The following CAT variants were observed in gnomAD, a reference collection of about 807,000 sequenced individuals.
CAT encodes epididymis secretory sperm binding protein.
In CAT, 43 loss-of-function variants were observed where a neutral mutation model predicts 59.0. The observed-to-expected ratio is 0.73, with a 90% CI of 0.57 to 0.94. CAT has a LOEUF of 0.94. Among genes scored for constraint, CAT ranks in the 40% least tolerant of loss-of-function variants. The probability of loss-of-function intolerance (pLI) is 0.00; values close to 1 mark genes in which losing one functional copy is unlikely to be tolerated. For synonymous variants in CAT, 218 were observed against 230.9 expected, an observed-to-expected ratio of 0.94 and a Z score of 0.51; for missense variants, 664 against 682.9, an observed-to-expected ratio of 0.97 and a Z score of 0.31.
Position 34,449,205 on chromosome 11 carries a change from T to G in CAT, c.80T>G (p.Leu27Arg). ...GTGTTCCTGTAGAAAGCTGATGTCC[T>G]GACCACTGGAGCTGGTAACCCAGTA... ...EQRAAQKADV[L>R]TTGAGNPVGD... is the part of the protein sequence containing the mutation. Residue 27 changes from leucine (L) to arginine (R), a missense_variant, in exon 2 of 13, where the codon CTG (leucine) becomes CGG (arginine). Physicochemically the swap from Leu to Arg is moderately radical, Grantham distance 102 (BLOSUM62 -2). Transcript: ENST00000241052. 6.2e-7 allele frequency: 1 copy of G among 1,614,204 alleles called. No individual in the cohort carries two copies. Among genetic ancestry groups the G allele is most frequent in the African/African-American group, 1.3e-5 (1 of 75,074 alleles).
intron 1 of CAT, among the ~76,000 whole-genome samples, chr11:34,445,521 A>AAAT (rs1856441835): frequency 6.6e-6 from 1 of 150,624 alleles, no homozygotes; most frequent in Non-Finnish European, 1.5e-5. Flanking sequence ...AAAAAAAAAA[A>AAAT]AGAAAAACAG....
At chr11:34,471,200 T>C (rs12803540) in intron 12 of CAT, among the ~76,000 whole-genome samples, 159 bp downstream of exon 12, 16,846 of 152,242 alleles carry the variant, frequency 0.11, 1,059 homozygotes, top group East Asian at 0.29. Flanking sequence ...AGATAAAGAA[T>C]TCACTGGCAA....
intron 9 of CAT, among the ~76,000 whole-genome samples, chr11:34,463,447 C>G (rs1200539759): frequency 6.6e-6 from 1 of 152,102 alleles, no homozygotes; most frequent in East Asian, 1.9e-4. Flanking sequence ...GAGAGATACC[C>G]TGAGAATCCT....
intron 10 of CAT, among the ~76,000 whole-genome samples, chr11:34,466,780 CAAAAA>C (rs71457350): frequency 4.1e-4 from 17 of 41,144 alleles, no homozygotes; most frequent in Non-Finnish European, 8.8e-4. Context: ...GACTCCGTCT[CAAAAA>C]AAAAAAAAAA....
intron 11 of CAT, among the ~76,000 whole-genome samples, chr11:34,468,908 T>A (rs1856747034): frequency 1.3e-5 from 2 of 152,222 alleles, no homozygotes; most frequent in South Asian, 4.1e-4. Context: ...TCAATCAGTC[T>A]GTCTTTCTTT....
chr11:34,447,822 A>G lies in CAT; in HGVS notation c.67-1370A>G, dbSNP rs77137020. Among the ~76,000 whole-genome samples the G allele has an allele frequency of 4.5e-3, 685 of 152,238 alleles. 4 individuals carry two copies. The highest frequency in any genetic ancestry group is 0.016 in the African/African-American group (655 of 41,522). ...AACCTTAGGAGGTACTTATTATTCTATTTTGCAGATGAAAATGGAGACTCA... is the reference window on the plus strand; with the variant it reads ...AACCTTAGGAGGTACTTATTATTCTGTTTTGCAGATGAAAATGGAGACTCA... On this transcript the variant is annotated intron_variant, in intron 1 of 12. Transcript: ENST00000241052.
At position 34,438,952 on chromosome 11, in the gene CAT, C is replaced by T. The variant is rs898531876; in HGVS notation, c.-62C>T. ...TCGGGGCAACAGGCAGATTTGCCTGCTGAGGGTGGAGACCCACGAGCCGAG... is the reference window on the plus strand; with the variant it reads ...TCGGGGCAACAGGCAGATTTGCCTGTTGAGGGTGGAGACCCACGAGCCGAG... On this transcript the variant is annotated 5_prime_UTR_variant, in exon 1 of 13. Transcript: ENST00000241052. 11 of 1,436,052 alleles carry T rather than the reference C, an allele frequency of 7.7e-6. No individual in the cohort carries two copies. The Admixed American group carries it at 1.8e-4, about 23-fold the overall frequency. The allele number at this position is 1,436,052 out of a possible 1,614,324, so 89.0% of individuals were successfully genotyped here. A position where few individuals can be genotyped will look rare whatever the true frequency, so the allele number is the denominator to read the frequency against.
In CAT at chr11:34,453,104, C is replaced by G; in HGVS notation, c.495C>G (p.Ile165Met). 1 of 1,609,170 alleles carries G rather than the reference C, an allele frequency of 6.2e-7. No homozygotes were observed. Among genetic ancestry groups the G allele is most frequent in the South Asian group, 1.1e-5 (1 of 90,966 alleles). The part of the protein sequence containing the change: ...IRDPILFPSF[I>M]HSQKRNPQTH... The stretch of plus-strand genomic sequence containing the variant: ...TTTCTATTTAGTTTCCATCTTTTAT[C>G]CACAGCCAAAAGAGAAATCCTCAGA... The change falls in exon 5 of 13, where the codon ATC becomes ATG. Residue 165 changes from isoleucine (I) to methionine (M), a missense_variant. Physicochemically the swap from Ile to Met is conservative, Grantham distance 10 (BLOSUM62 1). Transcript: ENST00000241052.
intron 10 of CAT, among the ~76,000 whole-genome samples, chr11:34,467,590 A>G (rs923886665): frequency 2.0e-5 from 3 of 152,186 alleles, no homozygotes; most frequent in East Asian, 3.8e-4. Context: ...TAGATACTCA[A>G]TATTTGTTGA....
chr11:34,451,010 C>T lies in CAT; in HGVS notation c.261C>T (p.Val87=), dbSNP rs1473846840. The T allele has an allele frequency of 1.9e-6, 3 of 1,612,456 alleles. No individual in the cohort carries two copies. The African/African-American group carries it at 4.0e-5, about 22-fold the overall frequency. Residue 87 remains valine, a synonymous_variant, in exon 3 of 13, where the codon GTC becomes GTT. Coordinates refer to ENST00000241052, the MANE Select transcript of CAT (RefSeq NM_001752.4). The part of the protein sequence containing the change: ...KGAGAFGYFE[V]THDITKYSKA... Reference sequence around the variant, plus strand: ...TAGGGGCCTTTGGCTACTTTGAGGTCACACATGACATTACCAAATACTCCA... The same window carrying T: ...TAGGGGCCTTTGGCTACTTTGAGGTTACACATGACATTACCAAATACTCCA...
Position 34,456,129 on chromosome 11 carries a change from G to C in CAT, c.830G>C (p.Trp277Ser), listed in dbSNP as rs753916355. 12 of 1,613,864 alleles carry C rather than the reference G, an allele frequency of 7.4e-6. No homozygotes were observed. Among genetic ancestry groups the C allele is most frequent in the African/African-American group, 1.3e-5 (1 of 74,866 alleles). ...ATTGCCACAGGAAAGTACCCCTCCT[G>C]GACTTTTTACATCCAGGTCATGACA... ...NAIATGKYPS[W>S]TFYIQVMTFN... The change falls in exon 7 of 13, where the codon TGG (tryptophan) becomes TCG (serine). Residue 277 changes from tryptophan to serine, a missense_variant. Trp to Ser is a radical substitution (Grantham distance 177). Transcript: ENST00000241052.
At chr11:34,470,896 C>A (rs17881488) in intron 11 of CAT, 62 bp from the exon 12 acceptor site, 128,969 of 1,346,254 alleles carry the variant, frequency 0.096, 7,514 homozygotes, top group East Asian at 0.28. Flanking sequence ...AACCACAGTC[C>A]CTGGGGAGTG....
intron 1 of CAT, among the ~76,000 whole-genome samples, chr11:34,441,337 C>T (rs764408412): frequency 6.6e-5 from 10 of 152,296 alleles, no homozygotes; most frequent in Middle Eastern, 3.4e-3. Flanking sequence ...TCTTTTATTA[C>T]GTTACTCCAT....
chr11:34,470,481 C>T (rs1311478548), intron 11 of CAT, among the ~76,000 whole-genome samples: 1 of 152,160 alleles, frequency 6.6e-6, no homozygotes. Context: ...GCCCCTCTCC[C>T]ATCCCTGGAG....
intron 2 of CAT, among the ~76,000 whole-genome samples, chr11:34,449,852 A>G (rs1856501870): frequency 6.6e-6 from 1 of 152,230 alleles, no homozygotes; most frequent in African/African-American, 2.4e-5. Context: ...GTAAAATAAG[A>G]TAGTTATTTA....
chr11:34,457,318 T>A (rs545048749), intron 8 of CAT, among the ~76,000 whole-genome samples: 120 of 145,004 alleles, frequency 8.3e-4, no homozygotes, highest in Non-Finnish European at 4.6e-4. Flanking sequence ...GTTCAAGCGA[T>A]CCTCCTGCCT....
chr11:34,466,804 A>AAAAAAAAG (rs1554938652), intron 10 of CAT, among the ~76,000 whole-genome samples: 3 of 147,832 alleles, frequency 2.0e-5, no homozygotes, highest in African/African-American at 5.1e-5. Context: ...AAAAAAAAAA[A>AAAAAAAAG]GAAAATAGAT....
Position 34,471,319 on chromosome 11 carries a change from T to C in CAT, c.1519-49T>C, listed in dbSNP as rs750580191. ...ATATTAAAACTGAGTAAATATCACG[T>C]TGCTGCCCATGAGGTGATTAACCTG... On this transcript the variant is annotated intron_variant, in intron 12 of 12. Coordinates refer to ENST00000241052, the MANE Select transcript of CAT (RefSeq NM_001752.4). The C allele has an allele frequency of 3.7e-6, 5 of 1,365,956 alleles. No individual in the cohort carries two copies. The East Asian group carries it at 1.1e-4, about 31-fold the overall frequency. The allele number at this position is 1,365,956 out of a possible 1,614,324, so 84.6% of individuals were successfully genotyped here. A position where few individuals can be genotyped will look rare whatever the true frequency, so the allele number is the denominator to read the frequency against.
chr11:34,470,986 A>G lies in CAT; in HGVS notation c.1463A>G (p.Asp488Gly), dbSNP rs1373054711. The change falls in exon 12 of 13, where the codon GAC becomes GGC. Residue 488 changes from aspartate (D) to glycine (G), a missense_variant. Transcript: ENST00000241052. ...AVKNFTEVHP[D>G]YGSHIQALLD... ...AAGAACTTCACTGAGGTCCACCCTG[A>G]CTACGGGAGCCACATCCAGGCTCTT... 1 of 1,614,096 alleles carries G rather than the reference A, an allele frequency of 6.2e-7. No individual in the cohort carries two copies. Among genetic ancestry groups the G allele is most frequent in the Non-Finnish European group, 8.5e-7 (1 of 1,180,030 alleles).
Sources: allele counts gnomAD v4.1 joint callset (sites outside exome capture counted in the v4.1 genomes callset), GRCh38; gene constraint gnomAD v4.1.1; transcripts MANE v1.5; gene names NCBI Gene and HGNC (gene_info 2026-07-23, HGNC 2026-07-21).